The following CSMD1 variants were observed in gnomAD, a reference collection of about 807,000 sequenced individuals.
CSMD1 encodes CUB and sushi domain-containing protein 1.
A neutral mutation model predicts 417.5 loss-of-function variants in CSMD1; 213 were observed. That is an observed-to-expected ratio of 0.51 (90% CI 0.46 to 0.57). CSMD1 has a LOEUF of 0.57. CSMD1 is among the 20% of genes least tolerant of loss of function. CSMD1 has a pLI of 0.00. For synonymous variants in CSMD1, 2,862 were observed against 1,736.8 expected (o/e 1.65, Z -16.11); for missense variants, 6,923 against 4,529.7 (o/e 1.53, Z -15.17).
chr8:4,285,711 G>T (rs562726648), intron 3 of CSMD1, among the ~76,000 whole-genome samples: 17 of 152,282 alleles, frequency 1.1e-4, no homozygotes, highest in African/African-American at 4.1e-4. Context: ...TAGTAAAACA[G>T]TCAGGGCCAC....
chr8:3,733,399 T>A (rs1796369401), intron 6 of CSMD1, among the ~76,000 whole-genome samples: 1 of 149,836 alleles, frequency 6.7e-6, no homozygotes, highest in South Asian at 2.1e-4. Context: ...CTGGATTAGA[T>A]GATAGAAACC....
intron 54 of CSMD1, among the ~76,000 whole-genome samples, chr8:2,990,384 G>C (rs948426820): frequency 2.6e-5 from 4 of 152,146 alleles, no homozygotes; most frequent in African/African-American, 7.2e-5. Context: ...AAAGCCTCCT[G>C]GTGCTAGAGA....
intron 1 of CSMD1, among the ~76,000 whole-genome samples, chr8:4,760,336 A>G (rs1297236776): frequency 6.6e-6 from 1 of 152,172 alleles, no homozygotes; most frequent in Non-Finnish European, 1.5e-5. Flanking sequence ...CTGGTTTCCT[A>G]GTGAAATCAA....
At chr8:4,601,540 T>C (rs1221474962) in intron 2 of CSMD1, among the ~76,000 whole-genome samples, 1 of 152,172 alleles carries the variant, frequency 6.6e-6, no homozygotes, top group Non-Finnish European at 1.5e-5. Context: ...TCTATGGTCA[T>C]ACAGATGATA....
chr8:4,204,874 T>G (rs1463177233), intron 3 of CSMD1, among the ~76,000 whole-genome samples: 1 of 152,178 alleles, frequency 6.6e-6, no homozygotes, highest in Non-Finnish European at 1.5e-5. Context: ...TTCCCCAGGC[T>G]GGTCCTGAAC....
intron 3 of CSMD1, among the ~76,000 whole-genome samples, chr8:4,189,870 A>G (rs1325379867): frequency 2.0e-5 from 3 of 152,142 alleles, no homozygotes; most frequent in African/African-American, 7.2e-5. Flanking sequence ...GTGGTACGTA[A>G]TACATAGCCT....
intron 2 of CSMD1, among the ~76,000 whole-genome samples, chr8:4,549,680 G>A (rs747713407): frequency 6.6e-5 from 10 of 151,956 alleles, no homozygotes; most frequent in Non-Finnish European, 1.2e-4. Context: ...CTTGAGTTCA[G>A]GAGTTCAAGA....
rs7834321 is a variant in CSMD1, at chr8:4,068,083, A to G, written c.416-35984T>C. On this transcript the variant is annotated intron_variant, in intron 3 of 69. Coordinates refer to ENST00000635120, the MANE Select transcript of CSMD1 (RefSeq NM_033225.6). ...CGACAGAGGGAGACAACGTCTCAAAAAAGAAAAAAAGAAAAAAAGGGACAC... is the reference window on the plus strand; with the variant it reads ...CGACAGAGGGAGACAACGTCTCAAAGAAGAAAAAAAGAAAAAAAGGGACAC... Among the ~76,000 whole-genome samples the G allele has an allele frequency of 1.5e-3, 230 of 152,176 alleles. 1 individual carries two copies. Among genetic ancestry groups the G allele is most frequent in the African/African-American group, 5.3e-3 (220 of 41,544 alleles).
intron 43 of CSMD1, among the ~76,000 whole-genome samples, chr8:3,109,496 A>G (rs1281803310): frequency 6.6e-6 from 1 of 152,088 alleles, no homozygotes; most frequent in Admixed American, 6.6e-5. Flanking sequence ...TTACTTCCAC[A>G]ACCTCAAAGC....
chr8:3,663,282 C>T (rs2623624), intron 7 of CSMD1, among the ~76,000 whole-genome samples: 45,743 of 152,038 alleles, frequency 0.3, 7,097 homozygotes, highest in African/African-American at 0.32. Flanking sequence ...TACTGACAGA[C>T]AGGGGTGGGA....
At chr8:3,568,860 AG>A (rs1278243906) in intron 10 of CSMD1, among the ~76,000 whole-genome samples, 1 of 152,142 alleles carries the variant, frequency 6.6e-6, no homozygotes, top group Non-Finnish European at 1.5e-5. Flanking sequence ...ATTATTCAGT[AG>A]AAGGTAGGTC....
At chr8:3,741,232 A>AAAAC (rs1796787934) in intron 6 of CSMD1, among the ~76,000 whole-genome samples, 4 of 151,040 alleles carry the variant, frequency 2.6e-5, no homozygotes, top group Non-Finnish European at 5.9e-5. Flanking sequence ...AAAAAAAAAA[A>AAAAC]AAAAAAAAAC....
At chr8:4,743,424 A>C (rs143482231) in intron 1 of CSMD1, among the ~76,000 whole-genome samples, 2 of 152,172 alleles carry the variant, frequency 1.3e-5, no homozygotes, top group Non-Finnish European at 1.5e-5. Flanking sequence ...AAAGCAAAAA[A>C]TGAACGTGTG....
At chr8:3,790,811 T>C (rs769923710) in intron 5 of CSMD1, among the ~76,000 whole-genome samples, 3 of 152,164 alleles carry the variant, frequency 2.0e-5, no homozygotes, top group Non-Finnish European at 4.4e-5. Flanking sequence ...AGGTCGATAA[T>C]GGGACCTGGA....
chr8:4,298,176 G>A (rs374225294), intron 3 of CSMD1, among the ~76,000 whole-genome samples: 3 of 152,122 alleles, frequency 2.0e-5, no homozygotes, highest in African/African-American at 7.2e-5. Flanking sequence ...ACATAATTTT[G>A]AGGAATCTGC....
At chr8:3,462,386 C>G (rs969003465) in intron 12 of CSMD1, among the ~76,000 whole-genome samples, 4 of 152,308 alleles carry the variant, frequency 2.6e-5, no homozygotes, top group Admixed American at 6.5e-5. Context: ...CTGGGCCACA[C>G]AGCAGGAGGT....
intron 9 of CSMD1, among the ~76,000 whole-genome samples, chr8:3,582,863 T>C (rs1201669989): frequency 1.3e-5 from 2 of 152,198 alleles, no homozygotes; most frequent in South Asian, 2.1e-4. Context: ...ATCACATACA[T>C]AGTTTGGGAA....
intron 3 of CSMD1, among the ~76,000 whole-genome samples, chr8:4,092,276 T>G (rs1460643298): frequency 2.0e-5 from 3 of 152,096 alleles, no homozygotes; most frequent in African/African-American, 7.2e-5. Context: ...TCCAACCAAC[T>G]GAGTATGGGA....
chr8:3,089,426 A>C (rs1024364555), intron 48 of CSMD1, among the ~76,000 whole-genome samples: 8 of 152,232 alleles, frequency 5.3e-5, no homozygotes, highest in African/African-American at 1.7e-4. Flanking sequence ...CACTGTTCGC[A>C]GGCATTTCTT....
Sources: allele counts gnomAD v4.1 joint callset (sites outside exome capture counted in the v4.1 genomes callset), GRCh38; gene constraint gnomAD v4.1.1; transcripts MANE v1.5; gene names NCBI Gene and HGNC (gene_info 2026-07-23, HGNC 2026-07-21).